Variants in ADGRB3 observed in about 807,000 individuals in gnomAD.
ADGRB3 encodes adhesion G protein-coupled receptor B3, also known as brain-specific angiogenesis inhibitor 3.
Under a neutral mutation model 193.4 loss-of-function variants are expected in ADGRB3, and 37 were observed. That is an observed-to-expected ratio of 0.19 (90% confidence interval 0.15 to 0.25). The LOEUF (loss-of-function observed/expected upper bound fraction) is 0.25, where lower values mean the gene tolerates loss of function less well. ADGRB3 is among the 10% of genes least tolerant of loss of function. ADGRB3 has a pLI of 1.00. For missense variants in ADGRB3, 1,637 were observed against 1,852.9 expected (o/e 0.88, Z 2.14); for synonymous variants, 690 against 644.2 (o/e 1.07, Z -1.08).
At chr6:69,057,511 T>TTTTTA (rs1562140724) in intron 15 of ADGRB3, among the ~76,000 whole-genome samples, 12 of 151,066 alleles carry the variant, frequency 7.9e-5, no homozygotes, top group African/African-American at 2.9e-4. Context: ...TTTCAGGGTT[T>TTTTTA]TTTTGTTTTG....
At chr6:69,262,990 A>G (rs1290466011) in intron 20 of ADGRB3, among the ~76,000 whole-genome samples, 2 of 151,964 alleles carry the variant, frequency 1.3e-5, no homozygotes, top group Non-Finnish European at 1.5e-5. Context: ...GCAAAAAGGA[A>G]CCATTTTAAA....
chr6:68,733,234 A>C (rs1045200626), intron 3 of ADGRB3, among the ~76,000 whole-genome samples: 25 of 148,122 alleles, frequency 1.7e-4, no homozygotes, highest in African/African-American at 4.7e-4. Flanking sequence ...TTATATCTAT[A>C]TATATATAAA....
chr6:69,163,176 A>G (rs1049153997), intron 17 of ADGRB3, among the ~76,000 whole-genome samples: 4 of 152,040 alleles, frequency 2.6e-5, no homozygotes, highest in African/African-American at 4.8e-5. Flanking sequence ...AGATGCCCTA[A>G]CCACTACCTC....
At chr6:68,999,473 C>T (rs1769500564) in intron 11 of ADGRB3, among the ~76,000 whole-genome samples, 1 of 152,082 alleles carries the variant, frequency 6.6e-6, no homozygotes, top group Non-Finnish European at 1.5e-5. Context: ...ACCGTGTTAG[C>T]CAGGATGGTC....
At chr6:69,198,266 A>G (rs541601282) in intron 17 of ADGRB3, among the ~76,000 whole-genome samples, 1 of 152,200 alleles carries the variant, frequency 6.6e-6, no homozygotes, top group South Asian at 2.1e-4. Context: ...AAGAAAAACT[A>G]GGCACTCAAG....
intron 17 of ADGRB3, among the ~76,000 whole-genome samples, chr6:69,196,446 G>C (rs1271016585): frequency 6.6e-6 from 1 of 152,068 alleles, no homozygotes; most frequent in East Asian, 1.9e-4. Context: ...CCAGGTGTCA[G>C]AAGGTTTTGT....
At chr6:69,280,852 AAT>A (rs557003404) in intron 20 of ADGRB3, among the ~76,000 whole-genome samples, 4 of 151,642 alleles carry the variant, frequency 2.6e-5, no homozygotes, top group Non-Finnish European at 4.4e-5. Context: ...ACTACAAAAA[AAT>A]ATATATATAT....
chr6:69,270,403 T>C (rs1338557540), intron 20 of ADGRB3, among the ~76,000 whole-genome samples: 1 of 152,164 alleles, frequency 6.6e-6, no homozygotes, highest in Non-Finnish European at 1.5e-5. Flanking sequence ...GAGAGCTTAG[T>C]TTCAAGAGGA....
At chr6:69,018,578 A>G (rs1770165780) in intron 13 of ADGRB3, 79 bp downstream of exon 13, 1 of 863,256 alleles carries the variant, frequency 1.2e-6, no homozygotes, top group Non-Finnish European at 1.8e-6. Flanking sequence ...GTTTCCAAGT[A>G]TAATATTCAT....
chr6:68,999,365 C>T (rs1352108215), intron 11 of ADGRB3, among the ~76,000 whole-genome samples: 5 of 151,268 alleles, frequency 3.3e-5, no homozygotes, highest in South Asian at 2.1e-4. Flanking sequence ...CCCGGGTTCA[C>T]GCCATTCTCC....
chr6:69,033,171 T>C (rs1366323686), intron 13 of ADGRB3, among the ~76,000 whole-genome samples: 1 of 152,214 alleles, frequency 6.6e-6, no homozygotes, highest in Non-Finnish European at 1.5e-5. Flanking sequence ...ATGTGCTGTC[T>C]AGCTGTTTTA....
intron 3 of ADGRB3, among the ~76,000 whole-genome samples, chr6:68,691,713 A>T (rs1250202376): frequency 6.6e-6 from 1 of 151,926 alleles, no homozygotes; most frequent in Non-Finnish European, 1.5e-5. Flanking sequence ...TCACTGATTA[A>T]TTCAGTACCT....
intron 3 of ADGRB3, among the ~76,000 whole-genome samples, chr6:68,674,998 A>G (rs1295838714): frequency 6.6e-6 from 1 of 152,190 alleles, no homozygotes; most frequent in Non-Finnish European, 1.5e-5. Context: ...ACCCTGGTTC[A>G]GGGGATGTCC....
At chr6:68,857,578 A>C (rs138539801) in intron 3 of ADGRB3, among the ~76,000 whole-genome samples, 1 of 152,328 alleles carries the variant, frequency 6.6e-6, no homozygotes, top group African/African-American at 2.4e-5. Context: ...CATTTAGGCA[A>C]TGTCTCTGTA....
chr6:69,109,610 T>A (rs1232361800), intron 17 of ADGRB3, among the ~76,000 whole-genome samples: 1 of 152,186 alleles, frequency 6.6e-6, no homozygotes, highest in Non-Finnish European at 1.5e-5. Context: ...TTAAGGTACT[T>A]GTCCAGCTTT....
intron 20 of ADGRB3, among the ~76,000 whole-genome samples, chr6:69,282,246 G>T (rs146482868): frequency 8.6e-4 from 131 of 152,180 alleles, no homozygotes; most frequent in African/African-American, 3.0e-3. Context: ...TCCACCCACC[G>T]TTTTGAAAAG....
At chr6:69,366,882 T>C (rs1312659379) in intron 29 of ADGRB3, among the ~76,000 whole-genome samples, 2 of 152,138 alleles carry the variant, frequency 1.3e-5, no homozygotes, top group African/African-American at 4.8e-5. Flanking sequence ...CCATGCCCTC[T>C]GCTAGATGCT....
intron 16 of ADGRB3, among the ~76,000 whole-genome samples, chr6:69,067,074 T>C (rs565435437): frequency 3.9e-5 from 6 of 152,140 alleles, no homozygotes; most frequent in Non-Finnish European, 8.8e-5. Context: ...AATGCATACT[T>C]TTTCCAAATG....
At chr6:68,929,349 T>A (rs1481018870) in intron 3 of ADGRB3, among the ~76,000 whole-genome samples, 1 of 152,178 alleles carries the variant, frequency 6.6e-6, no homozygotes, top group Non-Finnish European at 1.5e-5. Flanking sequence ...TGTAAAAAAT[T>A]TCTGACACAT....
Sources: gnomAD v4.1 joint callset for allele counts (sites outside exome capture counted in the v4.1 genomes callset) on GRCh38, gnomAD v4.1.1 for gene constraint, MANE v1.5 for transcripts, NCBI Gene and HGNC (gene_info 2026-07-23, HGNC 2026-07-21) for gene names.